Variants in GLB1L2 observed in about 807,000 individuals in gnomAD.
The protein encoded by GLB1L2 is beta-galactosidase-1-like protein 2.
In GLB1L2, 68 loss-of-function variants were observed where a neutral mutation model predicts 84.1. The observed-to-expected ratio is 0.81, with a 90% CI of 0.67 to 0.99. The LOEUF is 0.99. Ranked by LOEUF, GLB1L2 falls within the 50% of genes least tolerant of loss-of-function variation. The probability of loss-of-function intolerance (pLI) is 0.00; values close to 1 mark genes in which losing one functional copy is unlikely to be tolerated. For synonymous variants in GLB1L2, 290 were observed against 318.0 expected (o/e 0.91, Z 0.94); for missense variants, 762 against 805.6 (o/e 0.95, Z 0.66).
In GLB1L2 at chr11:134,347,481, G is replaced by A. The variant is rs368251410; in HGVS notation, c.558+48G>A. 9.9e-6 allele frequency: 13 copies of A among 1,318,496 alleles called. No homozygotes were observed. In the African/African-American group the frequency reaches 1.9e-4, roughly 19 times the overall value. The allele number at this position is 1,318,496 out of a possible 1,614,324, so 81.7% of individuals were successfully genotyped here. A position where few individuals can be genotyped will look rare whatever the true frequency, so the allele number is the denominator to read the frequency against. ...TTGATCTTGGTCTGTCTTCCTCTAG[G>A]TCGTGGATCATCCTTGGTTAGTTCT... On this transcript the variant is annotated intron_variant, in intron 5 of 18. Coordinates refer to ENST00000535456, the MANE Select transcript of GLB1L2 (RefSeq NM_001370461.1).
At chr11:134,364,995 C>A (rs1178128509) in intron 8 of GLB1L2, 1 of 152,542 alleles carries the variant, frequency 6.6e-6, no homozygotes. Flanking sequence ...CCTGAGAGGC[C>A]CCAGCTGTCC....
chr11:134,364,488 C>T (rs913183032), intron 8 of GLB1L2, 90 bp downstream of exon 8: 50 of 1,068,760 alleles, frequency 4.7e-5, no homozygotes, highest in African/African-American at 1.1e-4. Context: ...GCTTCCCCAG[C>T]GCAGGGAGCT....
intron 11 of GLB1L2, 91 bp downstream of exon 11, chr11:134,369,976 C>T (rs1215993769): frequency 9.4e-6 from 10 of 1,059,948 alleles, no homozygotes; most frequent in East Asian, 2.4e-5. Context: ...TGTCCCACCT[C>T]GACCCCAGTT....
chr11:134,351,432 T>C (rs1943632484), intron 5 of GLB1L2, among the ~76,000 whole-genome samples: 1 of 147,982 alleles, frequency 6.8e-6, no homozygotes, highest in East Asian at 2.1e-4. Flanking sequence ...TGCAACCTCC[T>C]CCTCCCAGGT....
chr11:134,367,834 C>G (rs2136286182), intron 9 of GLB1L2, among the ~76,000 whole-genome samples: 1 of 152,190 alleles, frequency 6.6e-6, no homozygotes, highest in East Asian at 1.9e-4. Flanking sequence ...ATGTGAAGAG[C>G]CCCATTCTAA....
Position 134,368,785 on chromosome 11 carries a change from A to C in GLB1L2, c.1027+4A>C, listed in dbSNP as rs746215244. The C allele has an allele frequency of 2.5e-6, 4 of 1,613,564 alleles. No individual in the cohort carries two copies. The highest frequency in any genetic ancestry group is 3.4e-6 in the Non-Finnish European group (4 of 1,179,984). ...AAGTCAGATGTCACCAGCTATGGCA[A>C]GTATTCATCAGCACTGCTCTCCCTG... On this transcript the variant is annotated splice_donor_region_variant and intron_variant, in intron 10 of 18. Coordinates refer to ENST00000535456, the MANE Select transcript of GLB1L2 (RefSeq NM_001370461.1).
In GLB1L2 at chr11:134,338,083, T is replaced by G. The variant is rs886541148; in HGVS notation, c.87-4671T>G. 1.3e-5 allele frequency among the ~76,000 whole-genome samples: 2 copies of G among 152,086 alleles called. No homozygotes were observed. The highest frequency in any genetic ancestry group is 2.4e-5 in the African/African-American group (1 of 41,400). On this transcript the variant is annotated intron_variant, in intron 1 of 18. Transcript: ENST00000535456. This position sits in a 1 kb window ranked among gnomAD's most constrained non-coding sequence, Gnocchi z 6.2. ...GGTGGCCAGCCTCGGACTGCGTGAG[T>G]GCTGCCTGGTCTCCACCGGCGGTCA...
chr11:134,365,455 CTGTGCTG>C (rs1204250712), intron 8 of GLB1L2, among the ~76,000 whole-genome samples: 1 of 152,208 alleles, frequency 6.6e-6, no homozygotes, highest in African/African-American at 2.4e-5. Flanking sequence ...GTCTCCTGCC[CTGTGCTG>C]TGTGACCTTG....
chr11:134,373,827 C>G lies in GLB1L2; in HGVS notation c.1595+19C>G. The G allele has an allele frequency of 1.3e-6, 2 of 1,528,534 alleles. No homozygotes were observed. Among genetic ancestry groups the G allele is most frequent in the Non-Finnish European group, 1.8e-6 (2 of 1,104,020 alleles). The allele number at this position is 1,528,534 out of a possible 1,614,324, so 94.7% of individuals were successfully genotyped here. A position where few individuals can be genotyped will look rare whatever the true frequency, so the allele number is the denominator to read the frequency against. On this transcript the variant is annotated intron_variant, in intron 16 of 18. Transcript: ENST00000535456. ...TTCAGAGGTGGGTCCCTGCCCAGCA[C>G]CAGCCCTTGCACTCACAGGTATAGT...
At position 134,361,324 on chromosome 11, in the gene GLB1L2, T is replaced by TA. The variant is rs796631861; in HGVS notation, c.733+2194dup. 3.5e-3 allele frequency: 526 copies of TA among 149,288 alleles called. 3 individuals carry two copies. The highest frequency in any genetic ancestry group is 0.011 in the African/African-American group (468 of 40,916). The allele number at this position is 149,288 out of a possible 1,614,324, so 9.2% of individuals were successfully genotyped here. On this transcript the variant is annotated intron_variant, in intron 7 of 18. Coordinates refer to ENST00000535456, the MANE Select transcript of GLB1L2 (RefSeq NM_001370461.1). Reference sequence around the variant, plus strand: ...CTGGGTGACAAGAGCAAAACTCCGTTAAAAAAAAAAATTCTGCCTATTGAC... The same window carrying TA: ...CTGGGTGACAAGAGCAAAACTCCGTTAAAAAAAAAAAATTCTGCCTATTGAC...
At chr11:134,333,284 G>A (rs1282253175) in intron 1 of GLB1L2, among the ~76,000 whole-genome samples, 1 of 152,242 alleles carries the variant, frequency 6.6e-6, no homozygotes, top group South Asian at 2.1e-4. Context: ...TAACTTCTCC[G>A]GTTGTTCCCA....
chr11:134,372,091 C>T (rs541582816), intron 15 of GLB1L2, among the ~76,000 whole-genome samples: 7 of 152,314 alleles, frequency 4.6e-5, no homozygotes, highest in Admixed American at 1.3e-4. Context: ...CTCTTGTCTC[C>T]CCTGGGCTGC....
At chr11:134,361,945 C>G (rs1943797729) in intron 7 of GLB1L2, among the ~76,000 whole-genome samples, 2 of 152,218 alleles carry the variant, frequency 1.3e-5, no homozygotes, top group African/African-American at 4.8e-5. Flanking sequence ...AGGGAGCCCG[C>G]CCTCCCCTTC....
chr11:134,369,329 A>G (rs1026565562), intron 10 of GLB1L2, among the ~76,000 whole-genome samples: 2 of 152,166 alleles, frequency 1.3e-5, no homozygotes, highest in African/African-American at 4.8e-5. Context: ...AGTAGCTGGG[A>G]CTACAGGTGT....
chr11:134,374,460 G>A (rs1943998473), intron 17 of GLB1L2, 142 bp from the exon 18 acceptor site: 2 of 776,186 alleles, frequency 2.6e-6, no homozygotes, highest in East Asian at 2.4e-5. Flanking sequence ...AGGAAATAGA[G>A]CATCCCACCT....
rs1309168702 is a variant in GLB1L2 at position 134,351,216 on chromosome 11, CTGAG to C, written c.558+3786_558+3789del. Among the ~76,000 whole-genome samples, 10 of 152,186 alleles carry C rather than the reference CTGAG, an allele frequency of 6.6e-5. No individual in the cohort carries two copies. In the South Asian group the frequency reaches 1.9e-3, roughly 28 times the overall value. The stretch of plus-strand genomic sequence containing the variant: ...GTAGTTTCCTTCTGTTCCTAGTTGA[CTGAG>C]TGTTTTTTATCATGAAAGAATGTTG... On this transcript the variant is annotated intron_variant, in intron 5 of 18. Transcript: ENST00000535456.
At chr11:134,355,437 C>T (rs892783458) in intron 5 of GLB1L2, among the ~76,000 whole-genome samples, 3 of 152,118 alleles carry the variant, frequency 2.0e-5, no homozygotes, top group African/African-American at 7.2e-5. Context: ...AAACAAACAC[C>T]TATTTCAGTT....
Position 134,368,532 on chromosome 11 carries a change from T to C in GLB1L2, c.890-112T>C. On this transcript the variant is annotated intron_variant, in intron 9 of 18. Coordinates refer to ENST00000535456, the MANE Select transcript of GLB1L2 (RefSeq NM_001370461.1). ...GAGCTAGAAGGACAGAGTGACAAAG[T>C]TGGCCTTGAGGTTTTGAGGTGGGAC... 4 of 1,058,258 alleles carry C rather than the reference T, an allele frequency of 3.8e-6. No homozygotes were observed. In the South Asian group the frequency reaches 5.7e-5, roughly 15 times the overall value. 65.6% of individuals were successfully genotyped at this position (1,058,258 alleles called of 1,614,324 possible). A position where few individuals can be genotyped will look rare whatever the true frequency, so the allele number is the denominator to read the frequency against.
chr11:134,367,412 C>A, intron 9 of GLB1L2, 71 bp downstream of exon 9: 1 of 1,313,854 alleles, frequency 7.6e-7, no homozygotes, highest in Non-Finnish European at 1.1e-6. Flanking sequence ...CAGTCACCTG[C>A]TAACTAATGT....
Sources: gnomAD v4.1 joint callset for allele counts (sites outside exome capture counted in the v4.1 genomes callset) on GRCh38, gnomAD v4.1.1 for gene constraint, Gnocchi (gnomAD v3.1) non-coding constraint, MANE v1.5 for transcripts, NCBI Gene and HGNC (gene_info 2026-07-23, HGNC 2026-07-21) for gene names.